MGST1: variants seen among roughly 807,000 people sequenced by gnomAD.
MGST1 encodes microsomal glutathione S-transferase 1, also known as glutathione S-transferase 12.
A neutral mutation model predicts 8.9 loss-of-function variants in MGST1; 5 were observed. The observed-to-expected ratio is 0.56, with a 90% CI of 0.29 to 1.19. The LOEUF is 1.19. MGST1 is among the 50% of genes most tolerant of loss of function. MGST1 has a pLI of 0.08. For missense variants in MGST1, 182 were observed against 187.4 expected, an observed-to-expected ratio of 0.97 and a Z score of 0.17; for synonymous variants, 54 against 67.8, an observed-to-expected ratio of 0.80 and a Z score of 1.00.
rs866820388 is a variant in MGST1 at position 16,364,043 on chromosome 12, G to A, written c.*2G>A. On this transcript the variant is annotated 3_prime_UTR_variant, in exon 4 of 4. Coordinates refer to ENST00000396210, the MANE Select transcript of MGST1 (RefSeq NM_020300.5). This position sits in a 1 kb window ranked among gnomAD's most constrained non-coding sequence, Gnocchi z 5.7. ...CTGAAAAGTAAATTGTACCTGTAAAGAAAATCATACAACTCAGCATCCAGT... is the reference window on the plus strand; with the variant it reads ...CTGAAAAGTAAATTGTACCTGTAAAAAAAATCATACAACTCAGCATCCAGT... The A allele has an allele frequency of 1.3e-6, 2 of 1,599,882 alleles. No homozygotes were observed. Among genetic ancestry groups the A allele is most frequent in the Middle Eastern group, 1.7e-4 (1 of 5,942 alleles).
chr12:16,371,491 G>C (rs1940292554), intron 3 of MGST1, among the ~76,000 whole-genome samples: 1 of 152,042 alleles, frequency 6.6e-6, no homozygotes, highest in South Asian at 2.1e-4. Flanking sequence ...ACTATGGTCT[G>C]TGGGCCAAAT....
At chr12:16,579,281 C>T (rs1314850207) in intron 4 of MGST1, among the ~76,000 whole-genome samples, 1 of 152,106 alleles carries the variant, frequency 6.6e-6, no homozygotes, top group Non-Finnish European at 1.5e-5. Flanking sequence ...CAAGAATTGT[C>T]CAAATTTGTT....
chr12:16,358,838 G>A (rs114027551), intron 3 of MGST1, among the ~76,000 whole-genome samples: 3,355 of 114,590 alleles, frequency 0.029, 141 homozygotes, highest in African/African-American at 0.11. Flanking sequence ...TGGTGTATAC[G>A]TACCACATTG....
intron 4 of MGST1, among the ~76,000 whole-genome samples, chr12:16,492,038 G>A (rs1417424805): frequency 6.6e-6 from 1 of 151,980 alleles, no homozygotes; most frequent in Non-Finnish European, 1.5e-5. Context: ...TAGTTATATG[G>A]ACTACACTGG....
At chr12:16,408,325 C>T (rs1478117751) in intron 1 of MGST1, among the ~76,000 whole-genome samples, 1 of 152,140 alleles carries the variant, frequency 6.6e-6, no homozygotes, top group African/African-American at 2.4e-5. Context: ...ATTCCCATGA[C>T]AGGAGTTTAC....
chr12:16,477,446 A>T (rs1406134061), intron 4 of MGST1, among the ~76,000 whole-genome samples: 1 of 152,194 alleles, frequency 6.6e-6, no homozygotes, highest in Non-Finnish European at 1.5e-5. Context: ...ATTCCTTTCT[A>T]TGTAACACAA....
chr12:16,400,204 G>A (rs1219847951), intron 1 of MGST1: 1 of 940,464 alleles, frequency 1.1e-6, no homozygotes, highest in Non-Finnish European at 1.8e-6. Flanking sequence ...TCCCACTTCT[G>A]TGTAGAACTG....
intron 4 of MGST1, among the ~76,000 whole-genome samples, chr12:16,579,530 C>T (rs564699091): frequency 9.2e-5 from 14 of 152,148 alleles, no homozygotes; most frequent in African/African-American, 2.2e-4. Flanking sequence ...TCTTATTTGT[C>T]GGCATTATGG....
chr12:16,392,902 G>A (rs1044373799), intron 1 of MGST1, among the ~76,000 whole-genome samples: 8 of 151,666 alleles, frequency 5.3e-5, no homozygotes, highest in Non-Finnish European at 8.8e-5. Context: ...CTATCTAGAG[G>A]GACCTAGAGA....
downstream of MGST1, among the ~76,000 whole-genome samples, chr12:16,369,086 C>A (rs74063763): frequency 9.9e-4 from 151 of 151,982 alleles, no homozygotes; most frequent in African/African-American, 3.5e-3. This position sits in a 1 kb window ranked among gnomAD's most constrained non-coding sequence, Gnocchi z 4.8. Context: ...GAAGCAAAAC[C>A]ACCCAAAATA....
At chr12:16,403,002 T>C (rs533936885) in intron 1 of MGST1, among the ~76,000 whole-genome samples, 1 of 151,150 alleles carries the variant, frequency 6.6e-6, no homozygotes, top group East Asian at 1.9e-4. Flanking sequence ...TTAGACTTAA[T>C]CATTTTTATC....
intron 4 of MGST1, among the ~76,000 whole-genome samples, chr12:16,542,715 A>G (rs1941799966): frequency 2.6e-5 from 4 of 152,194 alleles, no homozygotes; most frequent in Admixed American, 1.3e-4. Context: ...TCTTGACTAA[A>G]CTATCAACAT....
At chr12:16,520,762 G>A (rs557175089) in intron 4 of MGST1, among the ~76,000 whole-genome samples, 1 of 152,104 alleles carries the variant, frequency 6.6e-6, no homozygotes, top group African/African-American at 2.4e-5. Context: ...CTGTGAAAAG[G>A]TTATTTAAGA....
intron 4 of MGST1, among the ~76,000 whole-genome samples, chr12:16,493,177 C>T (rs1202191016): frequency 6.6e-6 from 1 of 152,178 alleles, no homozygotes; most frequent in Non-Finnish European, 1.5e-5. Context: ...AGTAAATCTG[C>T]TTTATCACTG....
intron 3 of MGST1, chr12:16,376,034 C>A (rs1027665657): frequency 3.3e-6 from 3 of 896,164 alleles, no homozygotes; most frequent in Non-Finnish European, 4.6e-6. Context: ...AGATTTTATA[C>A]ATATATATAA....
chr12:16,490,083 G>A (rs1213637292), intron 4 of MGST1, among the ~76,000 whole-genome samples: 3 of 151,958 alleles, frequency 2.0e-5, no homozygotes, highest in Non-Finnish European at 2.9e-5. Flanking sequence ...GCAAAGTAGT[G>A]AGACCCTATC....
intron 4 of MGST1, among the ~76,000 whole-genome samples, chr12:16,496,016 G>C (rs1565464637): frequency 6.6e-6 from 1 of 152,032 alleles, no homozygotes; most frequent in Non-Finnish European, 1.5e-5. Flanking sequence ...ACGTTGCAGG[G>C]ATATGGATGT....
downstream of MGST1, among the ~76,000 whole-genome samples, chr12:16,441,339 C>G (rs145137236): frequency 1.4e-3 from 219 of 151,950 alleles, 1 homozygote; most frequent in Non-Finnish European, 1.4e-3. Context: ...ATGACAGGTC[C>G]TTATCACCCA....
chr12:16,525,001 T>C (rs1252832347), intron 4 of MGST1, among the ~76,000 whole-genome samples: 3 of 147,632 alleles, frequency 2.0e-5, no homozygotes, highest in Non-Finnish European at 4.5e-5. Flanking sequence ...GATGAGAAAA[T>C]TTATTAAGAA....
Sources: allele counts gnomAD v4.1 joint callset (sites outside exome capture counted in the v4.1 genomes callset), GRCh38; gene constraint gnomAD v4.1.1; non-coding constraint Gnocchi (gnomAD v3.1); transcripts MANE v1.5; gene names NCBI Gene and HGNC (gene_info 2026-07-23, HGNC 2026-07-21).